The following APC2 variants were observed in gnomAD, a reference collection of about 807,000 sequenced individuals.
The protein encoded by APC2 is adenomatous polyposis coli protein 2.
A neutral mutation model predicts 72.5 loss-of-function variants in APC2; 41 were observed. The observed-to-expected ratio is 0.57, with a 90% CI of 0.44 to 0.73. The LOEUF is 0.73. APC2 is among the 30% of genes least tolerant of loss of function. The pLI, the probability that APC2 is intolerant of heterozygous loss-of-function variation, is 0.00. For synonymous variants in APC2, 1,898 were observed against 1,612.0 expected, an observed-to-expected ratio of 1.18 and a Z score of -4.25; for missense variants, 3,729 against 3,403.4, an observed-to-expected ratio of 1.10 and a Z score of -2.38.
At position 1,466,861 on chromosome 19, in the gene APC2, G is replaced by A. The variant is rs1262304905; in HGVS notation, c.3560G>A (p.Gly1187Glu). The change falls in exon 15 of 15, where the codon GGG becomes GAG. Residue 1187 changes from glycine (G) to glutamate (E), a missense_variant. Transcript: ENST00000590469. ...ASSIPSEPCSGQGSGTISPSE... is the reference protein window; with the variant it reads ...ASSIPSEPCSEQGSGTISPSE... ...TCCATCCCCAGTGAACCTTGCAGCG[G>A]GCAGGGCAGCGGCACCATCAGCCCT... is the stretch of plus-strand genomic sequence containing the variant. 19 of 1,562,274 alleles carry A rather than the reference G, an allele frequency of 1.2e-5. No individual in the cohort carries two copies. The East Asian group carries it at 4.3e-4, about 35-fold the overall frequency.
At chr19:1,446,308 G>A (rs985564961), upstream of APC2, 8 of 984,498 alleles carry the variant, frequency 8.1e-6, no homozygotes, top group East Asian at 6.8e-4. This position sits in a 1 kb window ranked among gnomAD's most constrained non-coding sequence, Gnocchi z 6.1. Flanking sequence ...TGGGGCTCCT[G>A]AGCCTGCTGC....
chr19:1,453,688 C>A, intron 4 of APC2, 77 bp downstream of exon 4: 1 of 1,512,094 alleles, frequency 6.6e-7, no homozygotes, highest in Non-Finnish European at 8.9e-7. Flanking sequence ...CTCTAATTCG[C>A]CCACCCGCAT....
rs780220749 is a variant in APC2 at position 1,466,677 on chromosome 19, A to G, written c.3376A>G (p.Ile1126Val). The stretch of plus-strand genomic sequence containing the variant: ...CGGGGCCACCTCGCTGCCCGTAGCC[A>G]TTCCGGCTCCCCGGCGTAACCGAGG... ...APGATSLPVAIPAPRRNRGRG... is the reference protein window; with the variant it reads ...APGATSLPVAVPAPRRNRGRG... The change falls in exon 15 of 15, where the codon ATT becomes GTT. Residue 1126 changes from isoleucine (I) to valine (V), a missense_variant. Coordinates refer to ENST00000590469, the MANE Select transcript of APC2 (RefSeq NM_005883.3). The G allele has an allele frequency of 2.7e-6, 4 of 1,508,014 alleles. No individual in the cohort carries two copies. Among genetic ancestry groups the G allele is most frequent in the African/African-American group, 1.4e-5 (1 of 72,642 alleles). The allele number at this position is 1,508,014 out of a possible 1,614,324, so 93.4% of individuals were successfully genotyped here. A position where few individuals can be genotyped will look rare whatever the true frequency, so the allele number is the denominator to read the frequency against.
At chr19:1,449,160 T>C (rs886522405), upstream of APC2, among the ~76,000 whole-genome samples, 22 of 152,100 alleles carry the variant, frequency 1.4e-4, no homozygotes, top group Middle Eastern at 3.2e-3. Flanking sequence ...CCGCCTCCTC[T>C]CCATTTTACA....
At position 1,468,783 on chromosome 19, in the gene APC2, G is replaced by A; in HGVS notation, c.5482G>A (p.Ala1828Thr). ...VAPPCLAQPA[A>T]PAKVPSPGQQ... ...GCCCCCTTGCCTGGCACAGCCCGCG[G>A]CTCCAGCCAAAGTCCCGAGCCCCGG... Residue 1828 changes from alanine (A) to threonine (T), a missense_variant, in exon 15 of 15, where the codon GCT becomes ACT. By Grantham distance (58) the Ala-to-Thr change is moderately conservative. Transcript: ENST00000590469. The A allele has an allele frequency of 1.3e-6, 2 of 1,516,276 alleles. No individual in the cohort carries two copies. The highest frequency in any genetic ancestry group is 1.2e-5 in the South Asian group (1 of 82,256). 93.9% of individuals were successfully genotyped at this position (1,516,276 alleles called of 1,614,324 possible).
rs983286066 is a variant in APC2 at position 1,457,854 on chromosome 19, C to T, written c.1208-111C>T. The T allele has an allele frequency of 1.3e-5, 12 of 917,686 alleles. No individual in the cohort carries two copies. The African/African-American group carries it at 2.2e-4, about 17-fold the overall frequency. 56.8% of individuals were successfully genotyped at this position (917,686 alleles called of 1,614,324 possible). On this transcript the variant is annotated intron_variant, in intron 9 of 14. Coordinates refer to ENST00000590469, the MANE Select transcript of APC2 (RefSeq NM_005883.3). ...GAAGTCCCAACTTTGCAGCCATTTG[C>T]AAAGCTCCCGGGATCCTTCAGGCCT...
At chr19:1,453,931 G>A (rs1049515723) in intron 4 of APC2, among the ~76,000 whole-genome samples, 3 of 152,236 alleles carry the variant, frequency 2.0e-5, no homozygotes, top group Admixed American at 1.3e-4. Context: ...ACCGGGCTGT[G>A]TCCGGTGCCA....
rs916248787 is a variant in APC2 at position 1,467,679 on chromosome 19, A to G, written c.4378A>G (p.Lys1460Glu). 5 of 1,478,710 alleles carry G rather than the reference A, an allele frequency of 3.4e-6. No homozygotes were observed. The highest frequency in any genetic ancestry group is 2.7e-5 in the East Asian group (1 of 37,068). 91.6% of individuals were successfully genotyped at this position (1,478,710 alleles called of 1,614,324 possible). A position where few individuals can be genotyped will look rare whatever the true frequency, so the allele number is the denominator to read the frequency against. The change falls in exon 15 of 15, where the codon AAG becomes GAG. Residue 1460 changes from lysine to glutamate, a missense_variant. Lys to Glu is a moderately conservative substitution (Grantham distance 56). Coordinates refer to ENST00000590469, the MANE Select transcript of APC2 (RefSeq NM_005883.3). Reference sequence around the variant, plus strand: ...CGCGGAGCAGTCTCGGGGCGCGGGCAAGAACAGAGCAGGGCTGGAGCTGCC... The same window carrying G: ...CGCGGAGCAGTCTCGGGGCGCGGGCGAGAACAGAGCAGGGCTGGAGCTGCC... ...RSAEQSRGAG[K>E]NRAGLELPLG...
At chr19:1,455,074 C>A in intron 4 of APC2, 75 bp from the exon 5 acceptor site, 2 of 921,590 alleles carry the variant, frequency 2.2e-6, no homozygotes, top group Non-Finnish European at 1.6e-6. Context: ...TAAGCGCTAA[C>A]AAGTGATTAC....
Position 1,457,982 on chromosome 19 carries a change from C to A in APC2, c.1225C>A (p.Pro409Thr). Residue 409 changes from proline (P) to threonine (T), a missense_variant, in exon 10 of 15, where the codon CCG (proline) becomes ACG (threonine). Transcript: ENST00000590469. ...GCCCACAGCCCCGATCCCCATCGAG[C>A]CGCAGATCTGCCAGGCCACCTGTGC... Reference protein sequence around the residue: ...GAGSAPIPIEPQICQATCAVM... With the variant: ...GAGSAPIPIETQICQATCAVM... 6.4e-7 allele frequency: 1 copy of A among 1,560,774 alleles called. No homozygotes were observed. The highest frequency in any genetic ancestry group is 8.7e-7 in the Non-Finnish European group (1 of 1,151,606).
chr19:1,447,775 G>A (rs1000062445), upstream of APC2, among the ~76,000 whole-genome samples: 2 of 152,164 alleles, frequency 1.3e-5, no homozygotes, highest in African/African-American at 4.8e-5. Context: ...GCCACCCCCA[G>A]AGGGATAAGA....
chr19:1,467,523 G>A lies in APC2; in HGVS notation c.4222G>A (p.Asp1408Asn). ...VNFSSAASLS[D>N]ETLQGPPRDQ... ...CTTCTCTAGCGCCGCCTCGCTCAGC[G>A]ACGAGACGCTGCAGGGACCCCCCAG... Residue 1408 changes from aspartate (D) to asparagine (N), a missense_variant, in exon 15 of 15, where the codon GAC becomes AAC. Asp to Asn is a conservative substitution (Grantham distance 23). Transcript: ENST00000590469. 2.7e-6 allele frequency: 4 copies of A among 1,475,126 alleles called. No homozygotes were observed. Among genetic ancestry groups the A allele is most frequent in the Middle Eastern group, 1.8e-4 (1 of 5,538 alleles). 91.4% of individuals were successfully genotyped at this position (1,475,126 alleles called of 1,614,324 possible).
Position 1,453,306 on chromosome 19 carries a change from G to C in APC2, c.201G>C (p.Ser67=). 6.3e-7 allele frequency: 1 copy of C among 1,592,450 alleles called. No individual in the cohort carries two copies. Among genetic ancestry groups the C allele is most frequent in the Non-Finnish European group, 8.5e-7 (1 of 1,169,608 alleles). ...AGGAGGCCCGAGTGCTGGTGTCCTC[G>C]GGGCAGACGGAGGTGCTGGAGCAGC... ...LEQEARVLVS[S]GQTEVLEQLK... The change falls in exon 3 of 15, where the codon TCG becomes TCC. Residue 67 remains serine (S), a synonymous_variant. Coordinates refer to ENST00000590469, the MANE Select transcript of APC2 (RefSeq NM_005883.3).
chr19:1,448,472 G>A (rs1457691838), upstream of APC2, among the ~76,000 whole-genome samples: 1 of 151,886 alleles, frequency 6.6e-6, no homozygotes, highest in Non-Finnish European at 1.5e-5. Flanking sequence ...CTTGAACCCA[G>A]GAGGCGGAGG....
chr19:1,457,030 G>T lies in APC2; in HGVS notation c.994G>T (p.Ala332Ser), dbSNP rs1385203422. Residue 332 changes from alanine (A) to serine (S), a missense_variant, in exon 9 of 15, where the codon GCC becomes TCC. Coordinates refer to ENST00000590469, the MANE Select transcript of APC2 (RefSeq NM_005883.3). ...HGTEAAAGGR[A>S]GAPGAPGAKD... is the part of the protein sequence containing the mutation. ...CACCGAGGCCGCGGCCGGGGGTCGC[G>T]CCGGGGCCCCAGGGGCACCGGGCGC... The T allele has an allele frequency of 2.6e-6, 4 of 1,527,246 alleles. No individual in the cohort carries two copies. Among genetic ancestry groups the T allele is most frequent in the Non-Finnish European group, 3.5e-6 (4 of 1,143,718 alleles). 94.6% of individuals were successfully genotyped at this position (1,527,246 alleles called of 1,614,324 possible). A position where few individuals can be genotyped will look rare whatever the true frequency, so the allele number is the denominator to read the frequency against.
At chr19:1,461,556 A>C (rs535719453) in intron 13 of APC2, 45 of 313,092 alleles carry the variant, frequency 1.4e-4, no homozygotes, top group African/African-American at 9.1e-4. Flanking sequence ...GCGTCTCAAA[A>C]AAACAACCTC....
chr19:1,469,147 C>G lies in APC2; in HGVS notation c.5846C>G (p.Pro1949Arg). 7.8e-7 allele frequency: 1 copy of G among 1,289,286 alleles called. No homozygotes were observed. The highest frequency in any genetic ancestry group is 9.8e-7 in the Non-Finnish European group (1 of 1,017,774). 79.9% of individuals were successfully genotyped at this position (1,289,286 alleles called of 1,614,324 possible). A position where few individuals can be genotyped will look rare whatever the true frequency, so the allele number is the denominator to read the frequency against. ...RGPPPLARAV[P>R]EPGPRGRAGT... ...CCGCCACCGCTGGCTCGGGCAGTCCCGGAGCCGGGCCCCAGGGGCCGGGCG... is the reference window on the plus strand; with the variant it reads ...CCGCCACCGCTGGCTCGGGCAGTCCGGGAGCCGGGCCCCAGGGGCCGGGCG... Residue 1949 changes from proline (P) to arginine (R), a missense_variant, in exon 15 of 15, where the codon CCG (proline) becomes CGG (arginine). By Grantham distance (103) the Pro-to-Arg change is moderately radical. Coordinates refer to ENST00000590469, the MANE Select transcript of APC2 (RefSeq NM_005883.3).
In APC2 at chr19:1,466,005, C is replaced by A. The variant is rs570460900; in HGVS notation, c.2704C>A (p.Arg902=). 322 of 1,499,094 alleles carry A rather than the reference C, an allele frequency of 2.1e-4. No individual in the cohort carries two copies. Among genetic ancestry groups the A allele is most frequent in the Non-Finnish European group, 2.6e-4 (297 of 1,133,770 alleles). The allele number at this position is 1,499,094 out of a possible 1,614,324, so 92.9% of individuals were successfully genotyped here. A position where few individuals can be genotyped will look rare whatever the true frequency, so the allele number is the denominator to read the frequency against. The change falls in exon 15 of 15, where the codon CGG becomes AGG. Residue 902 remains arginine (R), a synonymous_variant. Transcript: ENST00000590469. ...CSPCRGPEGG[R]REAGSRAHPL... is the part of the protein sequence containing the mutation. ...GCCATGCCGCGGCCCGGAGGGCGGG[C>A]GGCGAGAGGCAGGAAGCCGGGCGCA... is the stretch of plus-strand genomic sequence containing the variant.
At position 1,460,772 on chromosome 19, in the gene APC2, C is replaced by T; in HGVS notation, c.1444-8C>T. ...ACCCCGTGACCCCGGCTGCATAACC[C>T]CCAACAGGCCACCCTGTGTGCGCGC... On this transcript the variant is annotated splice_region_variant and splice_polypyrimidine_tract_variant and intron_variant, in intron 11 of 14. Coordinates refer to ENST00000590469, the MANE Select transcript of APC2 (RefSeq NM_005883.3). 6.2e-7 allele frequency: 1 copy of T among 1,612,538 alleles called. No individual in the cohort carries two copies.
Sources: allele counts gnomAD v4.1 joint callset (sites outside exome capture counted in the v4.1 genomes callset), GRCh38; gene constraint gnomAD v4.1.1; non-coding constraint Gnocchi (gnomAD v3.1); transcripts MANE v1.5; gene names NCBI Gene and HGNC (gene_info 2026-07-23, HGNC 2026-07-21).